Variants in DOCK9 observed in about 807,000 individuals in gnomAD.
DOCK9 encodes the protein dedicator of cytokinesis 9, also known as dedicator of cytokinesis protein 9.
In DOCK9, 89 loss-of-function variants were observed where a neutral mutation model predicts 263.3. The ratio of observed to expected loss-of-function variants is 0.34; its 90% CI spans 0.28 to 0.40. The LOEUF is 0.40. Ranked by LOEUF, DOCK9 falls within the 10% of genes least tolerant of loss-of-function variation. The pLI, the probability that DOCK9 is intolerant of heterozygous loss-of-function variation, is 1.00. For missense variants in DOCK9, 2,140 were observed against 2,603.4 expected (o/e 0.82, Z 3.87); for synonymous variants, 976 against 973.1 (o/e 1.00, Z -0.06).
In DOCK9 at chr13:98,904,714, C is replaced by T. The variant is rs779461958; in HGVS notation, c.961-8G>A. The stretch of plus-strand genomic sequence containing the variant: ...TTCTGCTTCTCTTGCACTCTGATAA[C>T]AAGATACATGAAAATTACATTTAAC... On this transcript the variant is annotated splice_region_variant and splice_polypyrimidine_tract_variant and intron_variant, in intron 9 of 52. Transcript: ENST00000682017. 43 of 1,547,266 alleles carry T rather than the reference C, an allele frequency of 2.8e-5. No individual in the cohort carries two copies. Among genetic ancestry groups the T allele is most frequent in the Middle Eastern group, 3.3e-4 (2 of 5,992 alleles).
chr13:99,014,215 T>A (rs1156349383), intron 1 of DOCK9, among the ~76,000 whole-genome samples: 10 of 152,228 alleles, frequency 6.6e-5, no homozygotes, highest in Non-Finnish European at 2.9e-5. Context: ...CTGCCATTAC[T>A]GGCCCAAGCA....
intron 1 of DOCK9, among the ~76,000 whole-genome samples, chr13:98,995,450 G>C (rs916452343): frequency 2.0e-5 from 3 of 150,198 alleles, no homozygotes; most frequent in Non-Finnish European, 4.4e-5. Flanking sequence ...TGCGTAACTA[G>C]TCTCAGGTTA....
Position 98,807,798 on chromosome 13 carries a change from C to G in DOCK9, c.5377G>C (p.Glu1793Gln). 1 of 1,609,160 alleles carries G rather than the reference C, an allele frequency of 6.2e-7. No individual in the cohort carries two copies. ...ATATACTCCTTTCCATCTTCATCTT[C>G]AAAGAATCCCTGTGACATAAAGCAC... ...RVAFFGQGFFEDEDGKEYIYK... is the reference protein window; with the variant it reads ...RVAFFGQGFFQDEDGKEYIYK... The change falls in exon 48 of 53, where the codon GAA (glutamate) becomes CAA (glutamine). Residue 1793 changes from glutamate to glutamine, a missense_variant. Around this residue, in one of 2 missense-constraint regions of DOCK9, gnomAD observed 619 missense variants for 861.8 expected, o/e 0.72. Coordinates refer to ENST00000682017, the MANE Select transcript of DOCK9 (RefSeq NM_001366683.2).
At chr13:99,008,140 T>C (rs1480749078) in intron 1 of DOCK9, among the ~76,000 whole-genome samples, 1 of 150,860 alleles carries the variant, frequency 6.6e-6, no homozygotes, top group Non-Finnish European at 1.5e-5. Context: ...GAGACATAAA[T>C]GTCCATTCAT....
At chr13:98,950,183 C>CG in intron 2 of DOCK9, 1 of 941,320 alleles carries the variant, frequency 1.1e-6, no homozygotes, top group South Asian at 1.7e-5. Context: ...ATGCGTAAAA[C>CG]AAAGGCCAAG....
intron 52 of DOCK9, chr13:98,796,086 G>A: frequency 1.4e-6 from 1 of 721,540 alleles, no homozygotes; most frequent in Middle Eastern, 3.6e-4. Context: ...CCAGAAGAGG[G>A]TGCTTTCCTC....
At chr13:99,038,395 C>A (rs1235215954) in intron 1 of DOCK9, among the ~76,000 whole-genome samples, 3 of 142,622 alleles carry the variant, frequency 2.1e-5, no homozygotes, top group Non-Finnish European at 4.5e-5. Context: ...ACCTCTGCCT[C>A]CTGGGTTCAA....
chr13:98,866,028 C>T (rs1228793428), intron 30 of DOCK9, among the ~76,000 whole-genome samples: 2 of 152,248 alleles, frequency 1.3e-5, no homozygotes, highest in Admixed American at 6.5e-5. Flanking sequence ...CACTGAATAC[C>T]TATCTGTTCT....
chr13:98,970,518 T>TTGC (rs2059633233), intron 1 of DOCK9, among the ~76,000 whole-genome samples: 1 of 152,174 alleles, frequency 6.6e-6, no homozygotes, highest in Admixed American at 6.5e-5. Context: ...TCTGCATCGC[T>TTGC]TGCTGCTGCC....
intron 49 of DOCK9, 55 bp from the exon 50 acceptor site, chr13:98,800,533 T>C (rs2089996920): frequency 7.6e-6 from 12 of 1,569,566 alleles, no homozygotes; most frequent in Middle Eastern, 1.7e-4. Flanking sequence ...TTTAGTGTTA[T>C]TGAGCTGATT....
At chr13:99,063,391 G>A (rs1273197566) in intron 1 of DOCK9, among the ~76,000 whole-genome samples, 1 of 152,212 alleles carries the variant, frequency 6.6e-6, no homozygotes, top group African/African-American at 2.4e-5. Flanking sequence ...CCAAATGCTG[G>A]GGCTAGGCCT....
At position 98,922,043 on chromosome 13, in the gene DOCK9, G is replaced by A. The variant is rs189809697; in HGVS notation, c.582+8C>T. ...GAGAGGGGAGGGCAAAGTGATGTGCGTCCTCACCCTCATGGTCACGCTGAT... is the reference window on the plus strand; with the variant it reads ...GAGAGGGGAGGGCAAAGTGATGTGCATCCTCACCCTCATGGTCACGCTGAT... On this transcript the variant is annotated splice_region_variant and intron_variant, in intron 6 of 52. Transcript: ENST00000682017. The A allele has an allele frequency of 5.4e-5, 85 of 1,581,320 alleles. No homozygotes were observed. In the East Asian group the frequency reaches 1.1e-3, roughly 21 times the overall value.
At position 98,888,623 on chromosome 13, in the gene DOCK9, G is replaced by C; in HGVS notation, c.1789+9C>G. 1 of 1,613,434 alleles carries C rather than the reference G, an allele frequency of 6.2e-7. No individual in the cohort carries two copies. Among genetic ancestry groups the C allele is most frequent in the Non-Finnish European group, 8.5e-7 (1 of 1,179,474 alleles). On this transcript the variant is annotated intron_variant, in intron 16 of 52. Transcript: ENST00000682017. Reference sequence around the variant, plus strand: ...AAAATTCTGTCTATTATGTAGAACTGACACTTACTAGGGAAGTCTGAGGAA... The same window carrying C: ...AAAATTCTGTCTATTATGTAGAACTCACACTTACTAGGGAAGTCTGAGGAA...
At chr13:98,985,894 C>T (rs1488599272) in intron 1 of DOCK9, among the ~76,000 whole-genome samples, 3 of 152,202 alleles carry the variant, frequency 2.0e-5, no homozygotes, top group African/African-American at 7.2e-5. Flanking sequence ...ATGCTTGCTT[C>T]TAGAATAAAT....
intron 19 of DOCK9, 124 bp from the exon 20 acceptor site, chr13:98,885,955 T>C (rs2045630714): frequency 1.1e-6 from 1 of 869,900 alleles, no homozygotes; most frequent in Non-Finnish European, 1.6e-6. Context: ...GATATTAACA[T>C]TTGCACTCAA....
intron 1 of DOCK9, 34 bp from the exon 2 acceptor site, chr13:98,955,585 T>C: frequency 7.2e-7 from 1 of 1,398,414 alleles, no homozygotes; most frequent in South Asian, 1.2e-5. Context: ...GACATTCTCA[T>C]ACACAAATGC....
chr13:98,859,212 A>G (rs2093785041), intron 33 of DOCK9: 1 of 152,232 alleles, frequency 6.6e-6, no homozygotes, highest in Non-Finnish European at 1.5e-5. Context: ...CAGGGCAGAG[A>G]CAGAGTGAAG....
intron 10 of DOCK9, among the ~76,000 whole-genome samples, chr13:98,904,092 G>A (rs754525889): frequency 2.0e-5 from 3 of 152,226 alleles, no homozygotes; most frequent in East Asian, 1.9e-4. Flanking sequence ...CCACTGAACC[G>A]TACACTTAAA....
At chr13:98,986,354 G>A (rs1466993010) in intron 1 of DOCK9, among the ~76,000 whole-genome samples, 2 of 152,210 alleles carry the variant, frequency 1.3e-5, no homozygotes, top group African/African-American at 2.4e-5. Flanking sequence ...ATCTAGCATC[G>A]GGGGTGGAGG....
Sources: gnomAD v4.1 joint callset for allele counts (sites outside exome capture counted in the v4.1 genomes callset) on GRCh38, gnomAD v4.1.1 for gene constraint, gnomAD v4.1.1 regional missense constraint, MANE v1.5 for transcripts, NCBI Gene and HGNC (gene_info 2026-07-23, HGNC 2026-07-21) for gene names.